RPSA2: variants seen among roughly 807,000 people sequenced by gnomAD.
RPSA2 encodes the protein ribosomal protein SA 2.
chr19:23,840,792 T>A, the RPSA2 span, among the ~76,000 whole-genome samples: 2 of 78,328 alleles, frequency 2.6e-5, no homozygotes, highest in Admixed American at 3.5e-4. Context: ...ACCCCATCTC[T>A]ACTAAAATAC....
the RPSA2 span, among the ~76,000 whole-genome samples, chr19:23,839,529 G>C: frequency 6.6e-6 from 1 of 152,180 alleles, no homozygotes; most frequent in African/African-American, 2.4e-5. Flanking sequence ...CAGGCTTTCT[G>C]TTTCTCAGTG....
chr19:23,832,333 AT>A, the RPSA2 span: 4 of 476,370 alleles, frequency 8.4e-6, no homozygotes, highest in Non-Finnish European at 1.7e-5. Context: ...CAAAGCATTT[AT>A]CTGGTCCTCA....
At chr19:23,788,749 T>C in the RPSA2 span, among the ~76,000 whole-genome samples, 1 of 152,176 alleles carries the variant, frequency 6.6e-6, no homozygotes, top group Non-Finnish European at 1.5e-5. Context: ...TTATTGGGTC[T>C]GACATTACGG....
At chr19:23,855,601 G>A in the RPSA2 span, among the ~76,000 whole-genome samples, 9 of 152,202 alleles carry the variant, frequency 5.9e-5, no homozygotes, top group Non-Finnish European at 7.3e-5. Context: ...GCATAGAAAT[G>A]ACAGGAAAAG....
the RPSA2 span, among the ~76,000 whole-genome samples, chr19:23,858,265 T>TG: frequency 1.8e-5 from 2 of 108,504 alleles, no homozygotes; most frequent in African/African-American, 3.6e-5. Flanking sequence ...GTAGGTAGGG[T>TG]GGGGGGTGGG....
At chr19:23,805,681 CTT>C in the RPSA2 span, among the ~76,000 whole-genome samples, 3 of 152,104 alleles carry the variant, frequency 2.0e-5, no homozygotes, top group Non-Finnish European at 4.4e-5. Context: ...GAAAAAATGA[CTT>C]TTTTTCAGCT....
At chr19:23,787,590 T>C in the RPSA2 span, among the ~76,000 whole-genome samples, 12 of 152,044 alleles carry the variant, frequency 7.9e-5, no homozygotes, top group East Asian at 5.8e-4. Flanking sequence ...GCCTGGGTGA[T>C]AGAGTGAGAT....
chr19:23,773,215 G>C, the RPSA2 span, among the ~76,000 whole-genome samples: 1 of 151,452 alleles, frequency 6.6e-6, no homozygotes, highest in African/African-American at 2.4e-5. Flanking sequence ...TTCTGCCTCA[G>C]CCACTCCAGT....
At chr19:23,805,121 GCACACACACACACACACACACACA>G in the RPSA2 span, among the ~76,000 whole-genome samples, 9 of 149,576 alleles carry the variant, frequency 6.0e-5, no homozygotes, top group South Asian at 2.1e-4. Flanking sequence ...AAAATAAAAA[GCACACACACACACACACACACACA>G]CACACACACA....
the RPSA2 span, among the ~76,000 whole-genome samples, chr19:23,847,726 G>A: frequency 1.1e-3 from 165 of 152,240 alleles, 1 homozygote; most frequent in African/African-American, 3.7e-3. Context: ...AAGCCTGAGG[G>A]TACTGCAGGA....
At chr19:23,810,681 G>A in the RPSA2 span, among the ~76,000 whole-genome samples, 1 of 152,114 alleles carries the variant, frequency 6.6e-6, no homozygotes, top group African/African-American at 2.4e-5. Flanking sequence ...ATGAGTCATG[G>A]AACTGCCTCA....
the RPSA2 span, among the ~76,000 whole-genome samples, chr19:23,758,561 G>A: frequency 2.0e-5 from 3 of 152,222 alleles, no homozygotes; most frequent in African/African-American, 4.8e-5. Flanking sequence ...CAGTCACTGA[G>A]CAGGGAGGAG....
the RPSA2 span, chr19:23,758,963 A>G: frequency 8.1e-6 from 5 of 618,092 alleles, no homozygotes; most frequent in East Asian, 2.8e-5. Context: ...TTCCCAGCCC[A>G]GCGTCCCTGA....
chr19:23,867,412 C>T, the RPSA2 span, among the ~76,000 whole-genome samples: 8 of 152,268 alleles, frequency 5.3e-5, no homozygotes, highest in African/African-American at 1.9e-4. Context: ...ATGAGACTTA[C>T]AAATGAAAAC....
At chr19:23,780,118 A>G in the RPSA2 span, among the ~76,000 whole-genome samples, 1 of 152,180 alleles carries the variant, frequency 6.6e-6, no homozygotes, top group Non-Finnish European at 1.5e-5. Flanking sequence ...GCTTACAAAA[A>G]GGAGTAAAAT....
chr19:23,780,846 T>C, the RPSA2 span, among the ~76,000 whole-genome samples: 1 of 152,272 alleles, frequency 6.6e-6, no homozygotes, highest in East Asian at 1.9e-4. Context: ...GAAACTTATA[T>C]TCACACCCAG....
the RPSA2 span, among the ~76,000 whole-genome samples, chr19:23,865,904 G>A: frequency 1.3e-5 from 2 of 152,188 alleles, no homozygotes; most frequent in Non-Finnish European, 2.9e-5. Context: ...TGTTAGAATC[G>A]GTGTTCAGAG....
the RPSA2 span, among the ~76,000 whole-genome samples, chr19:23,834,489 C>G: frequency 6.6e-6 from 1 of 151,762 alleles, no homozygotes; most frequent in African/African-American, 2.4e-5. Flanking sequence ...TAGAGAGGCT[C>G]TTTGTGGTTA....
chr19:23,815,391 C>CACCATCCTCT, the RPSA2 span, among the ~76,000 whole-genome samples: 1 of 152,114 alleles, frequency 6.6e-6, no homozygotes, highest in Admixed American at 6.6e-5. Context: ...TCATAAATAG[C>CACCATCCTCT]TGGTAATCAA....
Sources: gnomAD v4.1 joint callset for allele counts (sites outside exome capture counted in the v4.1 genomes callset) on GRCh38, gnomAD v4.1.1 for gene constraint, MANE v1.5 for transcripts, NCBI Gene and HGNC (gene_info 2026-07-23, HGNC 2026-07-21) for gene names.